Variants in GPC6 observed in about 807,000 individuals in gnomAD.
GPC6 encodes the protein glypican-6.
Under a neutral mutation model 55.2 loss-of-function variants are expected in GPC6, and 14 were observed. The observed-to-expected ratio is 0.25, with a 90% CI of 0.17 to 0.40. GPC6 has a LOEUF of 0.40. GPC6 is among the 10% of genes least tolerant of loss of function. The pLI is 1.00. For synonymous variants in GPC6, 278 were observed against 259.6 expected (o/e 1.07, Z -0.68); for missense variants, 641 against 708.5 (o/e 0.90, Z 1.08).
chr13:93,822,035 A>C (rs375136548), intron 2 of GPC6, among the ~76,000 whole-genome samples: 2 of 113,492 alleles, frequency 1.8e-5, no homozygotes, highest in African/African-American at 7.5e-5. Context: ...CATAATATGT[A>C]TACACATGAT....
At chr13:94,398,935 A>C (rs1472028948) in intron 8 of GPC6, among the ~76,000 whole-genome samples, 1 of 152,228 alleles carries the variant, frequency 6.6e-6, no homozygotes, top group Non-Finnish European at 1.5e-5. Flanking sequence ...CAAAACAGCA[A>C]AGTAATTTTT....
At chr13:93,506,994 G>A (rs1008560149) in intron 1 of GPC6, among the ~76,000 whole-genome samples, 1 of 144,392 alleles carries the variant, frequency 6.9e-6, no homozygotes, top group Admixed American at 7.1e-5. Flanking sequence ...GGAGGGAGGC[G>A]AAGCTTGCAG....
chr13:94,086,343 G>A (rs1468969202), intron 4 of GPC6, among the ~76,000 whole-genome samples: 1 of 152,150 alleles, frequency 6.6e-6, no homozygotes, highest in Non-Finnish European at 1.5e-5. Flanking sequence ...CAGGCTGAGA[G>A]AGCCTGTGGC....
chr13:94,246,527 A>G (rs2139032302), intron 4 of GPC6, among the ~76,000 whole-genome samples: 1 of 152,146 alleles, frequency 6.6e-6, no homozygotes, highest in Non-Finnish European at 1.5e-5. Context: ...TTCCAAGTTG[A>G]TTTTTATGCA....
At chr13:93,988,486 G>A (rs1028964074) in intron 3 of GPC6, among the ~76,000 whole-genome samples, 3 of 152,130 alleles carry the variant, frequency 2.0e-5, no homozygotes, top group Admixed American at 1.3e-4. Context: ...ATCTATTTTG[G>A]CTAGGATAGC....
intron 4 of GPC6, among the ~76,000 whole-genome samples, chr13:94,277,113 T>C (rs953353098): frequency 2.0e-5 from 3 of 152,244 alleles, no homozygotes; most frequent in African/African-American, 4.8e-5. Context: ...TTCTTGACTT[T>C]TTAGCAATTG....
At chr13:93,919,689 T>A (rs1877473648) in intron 3 of GPC6, among the ~76,000 whole-genome samples, 1 of 152,230 alleles carries the variant, frequency 6.6e-6, no homozygotes, top group Admixed American at 6.5e-5. Context: ...TCTTGCCTTA[T>A]TTTTTATAGC....
intron 1 of GPC6, among the ~76,000 whole-genome samples, chr13:93,393,810 T>G (rs184192214): frequency 1.1e-4 from 17 of 152,208 alleles, no homozygotes; most frequent in East Asian, 9.7e-4. Flanking sequence ...GGAAACACTT[T>G]CTCTCCATCC....
chr13:93,727,019 T>C (rs76153558), intron 2 of GPC6, among the ~76,000 whole-genome samples: 260 of 152,252 alleles, frequency 1.7e-3, no homozygotes, highest in African/African-American at 5.9e-3. Flanking sequence ...CATTTACTCA[T>C]TGTTTTATGC....
intron 4 of GPC6, among the ~76,000 whole-genome samples, chr13:94,280,055 A>G (rs914352968): frequency 2.6e-5 from 4 of 152,148 alleles, no homozygotes; most frequent in Non-Finnish European, 5.9e-5. Context: ...AAAGTCTCCC[A>G]CTATTATTGT....
chr13:94,303,180 G>A (rs1875750937), intron 5 of GPC6, among the ~76,000 whole-genome samples: 1 of 152,210 alleles, frequency 6.6e-6, no homozygotes, highest in African/African-American at 2.4e-5. Flanking sequence ...TGAAAACAGA[G>A]CTGCCATACA....
chr13:94,231,337 G>T (rs765452949), intron 4 of GPC6, among the ~76,000 whole-genome samples: 2 of 152,100 alleles, frequency 1.3e-5, no homozygotes, highest in Non-Finnish European at 1.5e-5. Flanking sequence ...TTACTAAGCA[G>T]AAAATTAAAA....
At chr13:93,724,795 A>G (rs554860586) in intron 2 of GPC6, among the ~76,000 whole-genome samples, 2 of 152,044 alleles carry the variant, frequency 1.3e-5, no homozygotes, top group Non-Finnish European at 2.9e-5. Flanking sequence ...TAAAGGTGCG[A>G]TCATTCATTG....
intron 1 of GPC6, among the ~76,000 whole-genome samples, chr13:93,487,104 G>A (rs1317184299): frequency 6.6e-6 from 1 of 152,210 alleles, no homozygotes; most frequent in East Asian, 1.9e-4. Flanking sequence ...TTCATTGTTT[G>A]TGGCCAGAGG....
At chr13:94,272,776 G>C (rs1892086885) in intron 4 of GPC6, among the ~76,000 whole-genome samples, 1 of 151,986 alleles carries the variant, frequency 6.6e-6, no homozygotes, top group Non-Finnish European at 1.5e-5. Flanking sequence ...CCCTGGTCCT[G>C]TTTCTTGATG....
chr13:93,297,850 G>A (rs1246227591), intron 1 of GPC6, among the ~76,000 whole-genome samples: 1 of 152,138 alleles, frequency 6.6e-6, no homozygotes, highest in African/African-American at 2.4e-5. Flanking sequence ...TGAAGAAAAT[G>A]CGATGGGACA....
intron 3 of GPC6, among the ~76,000 whole-genome samples, chr13:93,885,506 C>G (rs1033738259): frequency 9.9e-5 from 15 of 151,458 alleles, no homozygotes; most frequent in African/African-American, 3.6e-4. Flanking sequence ...ACGAGAGATT[C>G]AAGGCCCTGG....
chr13:93,988,041 T>C (rs1199457829), intron 3 of GPC6, among the ~76,000 whole-genome samples: 1 of 152,160 alleles, frequency 6.6e-6, no homozygotes, highest in Non-Finnish European at 1.5e-5. Flanking sequence ...CTGCATCTAC[T>C]CCTTCTTCAC....
chr13:94,373,361 G>C (rs1036246172), intron 6 of GPC6, among the ~76,000 whole-genome samples: 1 of 151,936 alleles, frequency 6.6e-6, no homozygotes, highest in African/African-American at 2.4e-5. Flanking sequence ...ATACAGAGAA[G>C]TGCTTAAAGG....
Sources: gnomAD v4.1 joint callset for allele counts (sites outside exome capture counted in the v4.1 genomes callset) on GRCh38, gnomAD v4.1.1 for gene constraint, MANE v1.5 for transcripts, NCBI Gene and HGNC (gene_info 2026-07-23, HGNC 2026-07-21) for gene names.